Variants in NCOA3 observed in about 807,000 individuals in gnomAD.
The protein encoded by NCOA3 is CBP-interacting protein.
In NCOA3, 51 loss-of-function variants were observed where a neutral mutation model predicts 158.8. That is an observed-to-expected ratio of 0.32 (90% CI 0.26 to 0.41). NCOA3 has a LOEUF of 0.41. NCOA3 is among the 10% of genes least tolerant of loss of function. The pLI is 1.00. For missense variants in NCOA3, 1,510 were observed against 1,746.6 expected (o/e 0.86, Z 2.41); for synonymous variants, 537 against 592.4 (o/e 0.91, Z 1.36).
rs753510483 is a variant in NCOA3 at position 47,634,139 on chromosome 20, C to G, written c.1056C>G (p.Phe352Leu). ...CTGCACAGACAAAAAGCAAACTCTT[C>G]CGAAATCCTGTAACAAATGATCGAC... ...IVTAQTKSKL[F>L]RNPVTNDRHG... The change falls in exon 10 of 23, where the codon TTC becomes TTG. Residue 352 changes from phenylalanine (F) to leucine (L), a missense_variant. By Grantham distance (22) the Phe-to-Leu change is conservative. This residue lies in a region of NCOA3 where 1,017 missense variants were observed against 1,098.3 expected (regional missense o/e 0.93). Coordinates refer to ENST00000371998, the MANE Select transcript of NCOA3 (RefSeq NM_181659.3). 4 of 1,614,148 alleles carry G rather than the reference C, an allele frequency of 2.5e-6. No homozygotes were observed. The highest frequency in any genetic ancestry group is 3.4e-6 in the Non-Finnish European group (4 of 1,180,026).
chr20:47,550,257 C>T (rs1016999928), intron 1 of NCOA3, among the ~76,000 whole-genome samples: 1 of 151,492 alleles, frequency 6.6e-6, no homozygotes, highest in Non-Finnish European at 1.5e-5. Context: ...CCAACCTGAC[C>T]AACATGGAGA....
At chr20:47,632,257 T>C (rs1489100334) in intron 8 of NCOA3, among the ~76,000 whole-genome samples, 4 of 152,162 alleles carry the variant, frequency 2.6e-5, no homozygotes, top group South Asian at 2.1e-4. Flanking sequence ...GAGAAATGTA[T>C]AGGAGAAGGT....
At chr20:47,564,384 C>T (rs1345464333) in intron 1 of NCOA3, among the ~76,000 whole-genome samples, 5 of 151,792 alleles carry the variant, frequency 3.3e-5, no homozygotes, top group Admixed American at 2.6e-4. Flanking sequence ...TTTATTTAGT[C>T]ATTCATCTGT....
At chr20:47,647,893 T>TTTTG (rs144891646) in intron 18 of NCOA3, among the ~76,000 whole-genome samples, 1 of 147,654 alleles carries the variant, frequency 6.8e-6, no homozygotes. Flanking sequence ...GAGGTTTTTT[T>TTTTG]TTTGTTTGTT....
intron 1 of NCOA3, among the ~76,000 whole-genome samples, chr20:47,566,699 A>G (rs2085200559): frequency 6.6e-6 from 1 of 151,976 alleles, no homozygotes; most frequent in South Asian, 2.1e-4. Flanking sequence ...TTTTGCAGAG[A>G]CAGGTTTTGC....
chr20:47,509,882 A>G (rs930704643), intron 1 of NCOA3, among the ~76,000 whole-genome samples: 4 of 152,148 alleles, frequency 2.6e-5, no homozygotes, highest in African/African-American at 9.7e-5. Context: ...GCTTGGTGGT[A>G]ATTGTGTTTT....
chr20:47,574,011 G>A (rs1009495278), intron 1 of NCOA3, among the ~76,000 whole-genome samples: 2 of 152,102 alleles, frequency 1.3e-5, no homozygotes, highest in Non-Finnish European at 1.5e-5. Context: ...AACACCATTT[G>A]TTCAGTTTTT....
chr20:47,650,907 TGTG>T, intron 19 of NCOA3, 72 bp from the exon 20 acceptor site: 1 of 1,373,396 alleles, frequency 7.3e-7, no homozygotes, highest in South Asian at 1.3e-5. Context: ...CCTGGTGTAT[TGTG>T]GGGGTACTAT....
At chr20:47,514,713 C>CTTTTTTTTTTTTTTTTTTTT (rs143888226) in intron 1 of NCOA3, among the ~76,000 whole-genome samples, 1 of 104,998 alleles carries the variant, frequency 9.5e-6, no homozygotes, top group Non-Finnish European at 1.9e-5. Context: ...TTGTTTTTTG[C>CTTTTTTTTTTTTTTTTTTTT]TTTTTTTTTT....
At chr20:47,603,348 C>T (rs910886023) in intron 2 of NCOA3, among the ~76,000 whole-genome samples, 1 of 152,222 alleles carries the variant, frequency 6.6e-6, no homozygotes. Flanking sequence ...CTCTCAAACC[C>T]CTTTTGGGAG....
chr20:47,627,874 A>G, intron 7 of NCOA3, 48 bp from the exon 8 acceptor site: 1 of 1,586,776 alleles, frequency 6.3e-7, no homozygotes, highest in Admixed American at 1.7e-5. Context: ...GAACATATAT[A>G]TCCAAAAGTT....
chr20:47,533,508 T>G (rs2084584110), intron 1 of NCOA3, among the ~76,000 whole-genome samples: 1 of 152,092 alleles, frequency 6.6e-6, no homozygotes, highest in Non-Finnish European at 1.5e-5. Flanking sequence ...TCTTTGTTCT[T>G]TTACACATAC....
At chr20:47,507,127 A>G (rs2084042749) in intron 1 of NCOA3, among the ~76,000 whole-genome samples, 1 of 152,230 alleles carries the variant, frequency 6.6e-6, no homozygotes, top group South Asian at 2.1e-4. Flanking sequence ...AATTAGGATA[A>G]GCCTTATGGT....
At chr20:47,594,594 GGTGGAGGTTGCAGTGA>G (rs1221508569) in intron 2 of NCOA3, among the ~76,000 whole-genome samples, 2 of 145,556 alleles carry the variant, frequency 1.4e-5, no homozygotes, top group Non-Finnish European at 3.0e-5. Flanking sequence ...GAACCTGGGA[GGTGGAGGTTGCAGTGA>G]GTGGAGATTG....
chr20:47,545,745 C>T (rs1011456548), intron 1 of NCOA3, among the ~76,000 whole-genome samples: 7 of 151,696 alleles, frequency 4.6e-5, no homozygotes, highest in South Asian at 2.1e-4. Flanking sequence ...GACACGGTCT[C>T]GGTCTGTCGC....
chr20:47,638,902 T>C (rs1044788864), intron 13 of NCOA3, 106 bp from the exon 14 acceptor site: 2 of 928,108 alleles, frequency 2.2e-6, no homozygotes, highest in Admixed American at 6.2e-5. Flanking sequence ...TGTTTGTTTT[T>C]GTAAGAAAGA....
intron 2 of NCOA3, among the ~76,000 whole-genome samples, chr20:47,597,306 A>G (rs991023020): frequency 3.3e-5 from 5 of 151,998 alleles, no homozygotes; most frequent in Non-Finnish European, 5.9e-5. Flanking sequence ...ACCTTTTATA[A>G]TTGTCCCACC....
intron 1 of NCOA3, among the ~76,000 whole-genome samples, chr20:47,582,456 A>G (rs2085468325): frequency 1.3e-5 from 2 of 151,980 alleles, no homozygotes; most frequent in African/African-American, 4.8e-5. Context: ...CATGTGATCC[A>G]CCCACCTCGG....
chr20:47,569,371 A>C (rs1324822698), intron 1 of NCOA3, among the ~76,000 whole-genome samples: 1 of 151,186 alleles, frequency 6.6e-6, no homozygotes, highest in Non-Finnish European at 1.5e-5. Context: ...TCCCCCAATA[A>C]AAAATAAATA....
Sources: gnomAD v4.1 joint callset for allele counts (sites outside exome capture counted in the v4.1 genomes callset) on GRCh38, gnomAD v4.1.1 for gene constraint, gnomAD v4.1.1 regional missense constraint, MANE v1.5 for transcripts, NCBI Gene and HGNC (gene_info 2026-07-23, HGNC 2026-07-21) for gene names.